The following ZNF385D variants were observed in gnomAD, a reference collection of about 807,000 sequenced individuals.
ZNF385D encodes zinc finger protein 659.
Under a neutral mutation model 35.8 loss-of-function variants are expected in ZNF385D, and 15 were observed. That is an observed-to-expected ratio of 0.42 (90% CI 0.28 to 0.64). ZNF385D has a LOEUF of 0.64. ZNF385D is among the 30% of genes least tolerant of loss of function. The probability of loss-of-function intolerance (pLI) is 0.23; values close to 1 mark genes in which losing one functional copy is unlikely to be tolerated. For synonymous variants in ZNF385D, 212 were observed against 186.8 expected (o/e 1.13, Z -1.10); for missense variants, 474 against 494.6 (o/e 0.96, Z 0.39).
chr3:21,832,703 G>T (rs1189945845), intron 3 of ZNF385D, among the ~76,000 whole-genome samples: 1 of 152,116 alleles, frequency 6.6e-6, no homozygotes, highest in Admixed American at 6.6e-5. Context: ...CAGCACTGTT[G>T]GGCATTTAAA....
chr3:21,801,953 T>A (rs760372126), intron 3 of ZNF385D, among the ~76,000 whole-genome samples: 5 of 152,308 alleles, frequency 3.3e-5, no homozygotes, highest in Non-Finnish European at 7.4e-5. Flanking sequence ...TGGGTGTTTT[T>A]TCCTGCTGTA....
chr3:21,971,589 A>C (rs549234438), intron 3 of ZNF385D, among the ~76,000 whole-genome samples: 10 of 151,952 alleles, frequency 6.6e-5, no homozygotes, highest in Non-Finnish European at 4.4e-5. Context: ...AAATGAAAAA[A>C]TGGCAAGAGT....
chr3:22,082,040 A>G (rs1037585920), intron 3 of ZNF385D, among the ~76,000 whole-genome samples: 41 of 149,538 alleles, frequency 2.7e-4, no homozygotes, highest in Admixed American at 1.1e-3. Context: ...TTAAATAACC[A>G]ATAGAAATGA....
At chr3:21,920,158 A>C (rs4417889) in intron 3 of ZNF385D, among the ~76,000 whole-genome samples, 81,063 of 151,734 alleles carry the variant, frequency 0.53, 23,688 homozygotes, top group South Asian at 0.66. Flanking sequence ...TCCCCCAAAG[A>C]TTAAACTATG....
intron 3 of ZNF385D, among the ~76,000 whole-genome samples, chr3:21,851,904 C>A (rs538496512): frequency 6.6e-6 from 1 of 151,962 alleles, no homozygotes; most frequent in Non-Finnish European, 1.5e-5. Flanking sequence ...GTTGCTCAAC[C>A]TAACACAGTC....
chr3:21,863,648 C>A lies in ZNF385D; in HGVS notation c.326-198620G>T, dbSNP rs570412920. Among the ~76,000 whole-genome samples, 11 of 151,996 alleles carry A rather than the reference C, an allele frequency of 7.2e-5. No homozygotes were observed. In the South Asian group the frequency reaches 8.3e-4, roughly 11 times the overall value. On this transcript the variant is annotated intron_variant, in intron 3 of 5. Coordinates refer to the ZNF385D transcript ENST00000494108. Reference sequence around the variant, plus strand: ...AAGATAAGAAACTATGGAAGGTCTACTGAATAGTGGAAGAAAGTTATTCTG... The same window carrying A: ...AAGATAAGAAACTATGGAAGGTCTAATGAATAGTGGAAGAAAGTTATTCTG...
intron 2 of ZNF385D, among the ~76,000 whole-genome samples, chr3:22,345,769 G>A (rs1695630851): frequency 6.6e-6 from 1 of 152,058 alleles, no homozygotes; most frequent in South Asian, 2.1e-4. Flanking sequence ...TTTCACTTAG[G>A]GGAAGACAGT....
chr3:21,925,043 G>A (rs1232331021), intron 3 of ZNF385D, among the ~76,000 whole-genome samples: 2 of 152,148 alleles, frequency 1.3e-5, no homozygotes, highest in Non-Finnish European at 2.9e-5. Flanking sequence ...CATGTTCATG[G>A]TTTGGAAGAA....
At chr3:22,183,460 C>T (rs933869074) in intron 2 of ZNF385D, among the ~76,000 whole-genome samples, 3 of 151,872 alleles carry the variant, frequency 2.0e-5, no homozygotes, top group East Asian at 1.9e-4. Context: ...CGGGTTCAAG[C>T]GATTCTCCTG....
intron 3 of ZNF385D, among the ~76,000 whole-genome samples, chr3:21,902,051 T>C (rs1029122885): frequency 2.0e-5 from 3 of 152,212 alleles, no homozygotes; most frequent in African/African-American, 4.8e-5. Flanking sequence ...AAACTTCAAG[T>C]TCCATTCAGT....
At chr3:22,015,966 T>C (rs1696860915) in intron 3 of ZNF385D, among the ~76,000 whole-genome samples, 1 of 152,124 alleles carries the variant, frequency 6.6e-6, no homozygotes, top group East Asian at 1.9e-4. Context: ...TTTATCCTTT[T>C]GGGTACAAAC....
intron 3 of ZNF385D, among the ~76,000 whole-genome samples, chr3:21,790,655 T>C (rs1044230032): frequency 2.0e-5 from 3 of 152,192 alleles, no homozygotes; most frequent in African/African-American, 7.2e-5. Flanking sequence ...ATGGACTTCA[T>C]ACCCAGCATA....
chr3:21,764,989 T>C (rs2070765659), intron 3 of ZNF385D, among the ~76,000 whole-genome samples: 1 of 152,160 alleles, frequency 6.6e-6, no homozygotes, highest in African/African-American at 2.4e-5. Context: ...GACGTATCCT[T>C]AGACTGAGAT....
At chr3:21,821,159 AGT>A (rs1694197093) in intron 3 of ZNF385D, among the ~76,000 whole-genome samples, 1 of 152,080 alleles carries the variant, frequency 6.6e-6, no homozygotes, top group African/African-American at 2.4e-5. Flanking sequence ...AATGTTTCTA[AGT>A]TATTTTATGA....
intron 3 of ZNF385D, among the ~76,000 whole-genome samples, chr3:21,988,812 A>G (rs1048513893): frequency 1.3e-5 from 2 of 152,044 alleles, no homozygotes; most frequent in African/African-American, 4.8e-5. Context: ...TGTGCTAGCA[A>G]TCAGCGAGAC....
At position 21,659,495 on chromosome 3, in the gene ZNF385D, G is replaced by A. The variant is rs1412501112; in HGVS notation, c.165+5391C>T. 3.9e-5 allele frequency among the ~76,000 whole-genome samples: 6 copies of A among 152,064 alleles called. No individual in the cohort carries two copies. The East Asian group carries it at 7.7e-4, about 20-fold the overall frequency. ...AAGTGGTATCTGGTATGTAGTAAGC[G>A]TTCAATAAATGGCTGCTGTAACCAG... On this transcript the variant is annotated intron_variant, in intron 2 of 7. Coordinates refer to ENST00000281523, the MANE Select transcript of ZNF385D (RefSeq NM_024697.3).
intron 2 of ZNF385D, among the ~76,000 whole-genome samples, chr3:22,238,229 G>A (rs1239446813): frequency 6.6e-6 from 1 of 151,020 alleles, no homozygotes; most frequent in Non-Finnish European, 1.5e-5. Flanking sequence ...TTTTGCAATT[G>A]GAAAGTGCAA....
chr3:22,220,357 C>A (rs1412811449), intron 2 of ZNF385D, among the ~76,000 whole-genome samples: 4 of 152,124 alleles, frequency 2.6e-5, no homozygotes, highest in African/African-American at 9.7e-5. Context: ...CTTTAGGAGC[C>A]ACTGCCTCCA....
intron 2 of ZNF385D, among the ~76,000 whole-genome samples, chr3:22,361,327 TA>T (rs1696398183): frequency 6.6e-6 from 1 of 152,076 alleles, no homozygotes; most frequent in Non-Finnish European, 1.5e-5. Flanking sequence ...CAGAATGTAA[TA>T]AGTAGCATTA....
Sources: gnomAD v4.1 joint callset for allele counts (sites outside exome capture counted in the v4.1 genomes callset) on GRCh38, gnomAD v4.1.1 for gene constraint, MANE v1.5 for transcripts, NCBI Gene and HGNC (gene_info 2026-07-23, HGNC 2026-07-21) for gene names.